The following PCDH9 variants were observed in gnomAD, a reference collection of about 807,000 sequenced individuals.
PCDH9 encodes the protein protocadherin-9.
In PCDH9, 24 loss-of-function variants were observed where a neutral mutation model predicts 70.6. The observed-to-expected ratio is 0.34, with a 90% CI of 0.25 to 0.48. PCDH9 has a LOEUF of 0.48. Ranked by LOEUF, PCDH9 falls within the 20% of genes least tolerant of loss-of-function variation. PCDH9 has a pLI of 0.99. For missense variants in PCDH9, 1,281 were observed against 1,503.6 expected, an observed-to-expected ratio of 0.85 and a Z score of 2.45; for synonymous variants, 562 against 558.5, an observed-to-expected ratio of 1.01 and a Z score of -0.09.
chr13:66,684,810 A>C (rs914195753), intron 3 of PCDH9, among the ~76,000 whole-genome samples: 1 of 152,120 alleles, frequency 6.6e-6, no homozygotes, highest in East Asian at 1.9e-4. Context: ...TGTGAAAGTG[A>C]TTTTGGAACT....
chr13:67,101,656 C>T lies in PCDH9; in HGVS notation c.3036+123749G>A, dbSNP rs186603183. 1.3e-3 allele frequency among the ~76,000 whole-genome samples: 193 copies of T among 152,246 alleles called. 1 individual carries two copies. The highest frequency in any genetic ancestry group is 4.6e-3 in the African/African-American group (193 of 41,546). ...TCAATTTGTATGTTGGTGTTACACA[C>T]TCCAAATAATATTTCTGTAACTATC... On this transcript the variant is annotated intron_variant, in intron 2 of 4. Transcript: ENST00000377865.
intron 2 of PCDH9, chr13:67,218,760 A>G (rs753028647): frequency 1.2e-4 from 18 of 152,040 alleles, no homozygotes; most frequent in Non-Finnish European, 2.1e-4. Flanking sequence ...TTCATTTCAT[A>G]TATTTTCTCA....
chr13:66,726,187 A>G (rs923997566), intron 3 of PCDH9, among the ~76,000 whole-genome samples: 3 of 152,176 alleles, frequency 2.0e-5, no homozygotes, highest in Non-Finnish European at 4.4e-5. Context: ...AAGGAACTGG[A>G]TAATCTTTCT....
intron 3 of PCDH9, among the ~76,000 whole-genome samples, chr13:66,810,142 T>C (rs1291978432): frequency 1.3e-5 from 2 of 152,200 alleles, no homozygotes; most frequent in African/African-American, 4.8e-5. Context: ...TGAGCATTCA[T>C]ATTTTATAAT....
chr13:66,437,689 G>A (rs957473393), intron 4 of PCDH9, among the ~76,000 whole-genome samples: 1 of 152,112 alleles, frequency 6.6e-6, no homozygotes, highest in Non-Finnish European at 1.5e-5. Flanking sequence ...ATGCACTGTG[G>A]GTGGGAGTAA....
At chr13:66,905,898 T>C (rs537191037) in intron 2 of PCDH9, among the ~76,000 whole-genome samples, 83 of 152,200 alleles carry the variant, frequency 5.5e-4, no homozygotes, top group Middle Eastern at 3.2e-3. Context: ...GTGTTCACTC[T>C]ATTTTGGGCA....
intron 4 of PCDH9, among the ~76,000 whole-genome samples, chr13:66,381,508 AT>A (rs1434639224): frequency 2.0e-5 from 3 of 152,192 alleles, no homozygotes; most frequent in African/African-American, 7.2e-5. Flanking sequence ...AATAAACAAT[AT>A]TGGCTTTTTG....
chr13:66,772,775 T>C (rs7987050), intron 3 of PCDH9, among the ~76,000 whole-genome samples: 12,383 of 152,138 alleles, frequency 0.081, 524 homozygotes, highest in East Asian at 0.14. Flanking sequence ...ATATTAAATA[T>C]ATAATTTTTT....
chr13:66,489,515 T>C (rs181996724), intron 4 of PCDH9, among the ~76,000 whole-genome samples: 2 of 152,302 alleles, frequency 1.3e-5, no homozygotes, highest in Admixed American at 1.3e-4. Flanking sequence ...TCTCACTATG[T>C]TGCCCAACCT....
intron 3 of PCDH9, among the ~76,000 whole-genome samples, chr13:66,653,304 G>A (rs2077878699): frequency 6.6e-6 from 1 of 151,960 alleles, no homozygotes; most frequent in African/African-American, 2.4e-5. Flanking sequence ...GCTCAAACAA[G>A]TCAACAGGAA....
intron 4 of PCDH9, among the ~76,000 whole-genome samples, chr13:66,621,711 A>C (rs2077423887): frequency 6.6e-6 from 1 of 152,240 alleles, no homozygotes; most frequent in Non-Finnish European, 1.5e-5. Flanking sequence ...AAACAAAGCA[A>C]AACAAAAACA....
chr13:66,579,074 G>T (rs2076854465), intron 4 of PCDH9, among the ~76,000 whole-genome samples: 1 of 152,064 alleles, frequency 6.6e-6, no homozygotes, highest in Admixed American at 6.6e-5. Flanking sequence ...CTGTAGAATT[G>T]TGTAATGGCC....
intron 4 of PCDH9, among the ~76,000 whole-genome samples, chr13:66,504,689 A>C (rs577555573): frequency 5.9e-5 from 9 of 152,348 alleles, no homozygotes; most frequent in African/African-American, 2.2e-4. Flanking sequence ...TATGACTAGC[A>C]TAATGAGTGC....
At chr13:66,399,127 C>T (rs1450494934) in intron 4 of PCDH9, among the ~76,000 whole-genome samples, 1 of 151,972 alleles carries the variant, frequency 6.6e-6, no homozygotes, top group Non-Finnish European at 1.5e-5. Context: ...AATTCCTATT[C>T]TGTAGATGCA....
In PCDH9 at chr13:66,858,191, G is replaced by C. The variant is rs544448064; in HGVS notation, c.3138+45313C>G. Among the ~76,000 whole-genome samples, 20 of 152,074 alleles carry C rather than the reference G, an allele frequency of 1.3e-4. No homozygotes were observed. The South Asian group carries it at 2.5e-3, about 19-fold the overall frequency. On this transcript the variant is annotated intron_variant, in intron 3 of 4. Transcript: ENST00000377865. ...TTTGTTTTTTCTCTTTTGATTCCTA[G>C]AGATTACATTGTGGAGAGTATGCCA...
At chr13:66,821,514 TAGTC>T (rs899270161) in intron 3 of PCDH9, among the ~76,000 whole-genome samples, 9 of 152,278 alleles carry the variant, frequency 5.9e-5, no homozygotes, top group Middle Eastern at 3.4e-3. Flanking sequence ...ACCAAGTACT[TAGTC>T]AGTATTCATA....
intron 3 of PCDH9, among the ~76,000 whole-genome samples, chr13:66,869,873 G>A (rs1303375913): frequency 2.0e-5 from 3 of 152,106 alleles, no homozygotes; most frequent in East Asian, 3.9e-4. Context: ...TTTTGGGATG[G>A]AAGGAAAGAA....
At chr13:66,358,410 A>C (rs903861700) in intron 4 of PCDH9, among the ~76,000 whole-genome samples, 53 of 151,982 alleles carry the variant, frequency 3.5e-4, no homozygotes, top group Non-Finnish European at 4.4e-5. Context: ...AGAGGGAAAA[A>C]ATCTCGCTAT....
At chr13:67,006,974 A>C (rs1265461518) in intron 2 of PCDH9, among the ~76,000 whole-genome samples, 1 of 152,206 alleles carries the variant, frequency 6.6e-6, no homozygotes, top group African/African-American at 2.4e-5. Flanking sequence ...TAAAGAACGG[A>C]AATTGATCTA....
Sources: allele counts gnomAD v4.1 joint callset (sites outside exome capture counted in the v4.1 genomes callset), GRCh38; gene constraint gnomAD v4.1.1; transcripts MANE v1.5; gene names NCBI Gene and HGNC (gene_info 2026-07-23, HGNC 2026-07-21).